TRA2B: variants seen among roughly 807,000 people sequenced by gnomAD.
The protein encoded by TRA2B is transformer 2 beta homolog.
TRA2B carries 14 observed loss-of-function variants against 41.7 expected under a neutral mutation model. The ratio of observed to expected loss-of-function variants is 0.34; its 90% confidence interval spans 0.22 to 0.53. The LOEUF (loss-of-function observed/expected upper bound fraction) is 0.53. TRA2B is among the 20% of genes least tolerant of loss of function. The pLI, the probability that TRA2B is intolerant of heterozygous loss-of-function variation, is 0.95. For missense variants in TRA2B, 167 were observed against 396.8 expected, an observed-to-expected ratio of 0.42 and a Z score of 4.92; for synonymous variants, 130 against 128.8, an observed-to-expected ratio of 1.01 and a Z score of -0.06.
chr3:185,925,423 T>C (rs757372192), intron 3 of TRA2B, 41 bp downstream of exon 3: 1 of 1,598,940 alleles, frequency 6.3e-7, no homozygotes, highest in South Asian at 1.1e-5. Context: ...AAAAAGTAAA[T>C]TTAGGCAGTT....
chr3:185,922,028 G>A lies in TRA2B; in HGVS notation c.621C>T (p.Tyr207=), dbSNP rs1426666421. Residue 207 remains tyrosine (Y), a synonymous_variant, in exon 5 of 9, where the codon TAC becomes TAT. Coordinates refer to ENST00000453386, the MANE Select transcript of TRA2B (RefSeq NM_004593.3). ...KRPHTPTPGI[Y]MGRPTYGSSR... ...AAACTTACTAGGTAGGTCTCCCCAT[G>A]TAAATTCCTGGTGTTGGCGTATGTG... 2 of 1,612,492 alleles carry A rather than the reference G, an allele frequency of 1.2e-6. No individual in the cohort carries two copies. Among genetic ancestry groups the A allele is most frequent in the African/African-American group, 1.3e-5 (1 of 74,854 alleles).
At chr3:185,934,794 G>A (rs1744284850) in intron 1 of TRA2B, 3 of 985,312 alleles carry the variant, frequency 3.0e-6, no homozygotes, top group East Asian at 1.1e-4. Context: ...AGTTTGATGG[G>A]TTGGTGTCCA....
chr3:185,918,226 C>T, intron 8 of TRA2B, 139 bp downstream of exon 8: 1 of 609,130 alleles, frequency 1.6e-6, no homozygotes, highest in Non-Finnish European at 2.7e-6. Context: ...TTTCTTGAAC[C>T]AAAAAATGTT....
At chr3:185,919,376 C>T in intron 7 of TRA2B, 61 bp downstream of exon 7, 1 of 1,411,662 alleles carries the variant, frequency 7.1e-7, no homozygotes, top group Non-Finnish European at 9.7e-7. Context: ...CATTACTAGG[C>T]AAACATCTTT....
chr3:185,937,403 C>T, intron 1 of TRA2B: 21 of 1,008,016 alleles, frequency 2.1e-5, no homozygotes, highest in South Asian at 8.3e-5. Context: ...GTCGGGTCCG[C>T]GTTGCCGCGC....
chr3:185,919,671 A>G (rs375742392), intron 6 of TRA2B, among the ~76,000 whole-genome samples, 175 bp from the exon 7 acceptor site: 4 of 152,348 alleles, frequency 2.6e-5, no homozygotes, highest in African/African-American at 4.8e-5. Context: ...GGTGGCTGAA[A>G]TAAGTAGTAT....
At chr3:185,935,812 C>A (rs1375536553) in intron 1 of TRA2B, 1 of 985,166 alleles carries the variant, frequency 1.0e-6, no homozygotes, top group East Asian at 1.1e-4. Context: ...AACACAAACA[C>A]GCAAACACCA....
chr3:185,925,822 A>G (rs934889300), intron 2 of TRA2B, among the ~76,000 whole-genome samples, 196 bp from the exon 3 acceptor site: 1 of 152,224 alleles, frequency 6.6e-6, no homozygotes, highest in Non-Finnish European at 1.5e-5. Context: ...TCTAAAAACC[A>G]CAAGCTCTCC....
chr3:185,917,771 T>C, intron 8 of TRA2B, 46 bp from the exon 9 acceptor site: 1 of 1,588,068 alleles, frequency 6.3e-7, no homozygotes, highest in South Asian at 1.1e-5. Flanking sequence ...GTGAACTAAT[T>C]ATCAAGTATA....
intron 1 of TRA2B, chr3:185,936,537 C>T: frequency 1.0e-6 from 1 of 985,420 alleles, no homozygotes. Flanking sequence ...CTGAAAATTT[C>T]TTCCTAAAAT....
rs1323563698 is a variant in TRA2B, at chr3:185,914,725, ACT to A, written c.*2988_*2989del. On this transcript the variant is annotated 3_prime_UTR_variant, in exon 9 of 9. Transcript: ENST00000453386. ...ATCCTACAAGAGCCAATCAAAATCC[ACT>A]GAGATGGCATGCTGAAGGAATATTG... 6.6e-6 allele frequency among the ~76,000 whole-genome samples: 1 copy of A among 152,080 alleles called. No individual in the cohort carries two copies. The highest frequency in any genetic ancestry group is 1.5e-5 in the Non-Finnish European group (1 of 68,040).
At chr3:185,934,878 A>G (rs895384656) in intron 1 of TRA2B, 2 of 985,322 alleles carry the variant, frequency 2.0e-6, no homozygotes, top group African/African-American at 3.5e-5. Flanking sequence ...CAAAAATAAT[A>G]GCCAGTATTC....
At chr3:185,929,360 T>G (rs1038900836) in intron 1 of TRA2B, among the ~76,000 whole-genome samples, 1 of 152,136 alleles carries the variant, frequency 6.6e-6, no homozygotes, top group Non-Finnish European at 1.5e-5. Context: ...AAAAACCAGT[T>G]GGGGAAGTCC....
intron 3 of TRA2B, 63 bp downstream of exon 3, chr3:185,925,401 T>A: frequency 1.3e-6 from 2 of 1,574,918 alleles, no homozygotes; most frequent in Non-Finnish European, 1.7e-6. Flanking sequence ...CAAAATCAGC[T>A]CTAACTTTAA....
chr3:185,934,338 G>T (rs929252737), intron 1 of TRA2B: 1 of 985,130 alleles, frequency 1.0e-6, no homozygotes, highest in African/African-American at 1.7e-5. Context: ...AGAGAAAGGA[G>T]GAAAAAACGC....
chr3:185,921,132 C>T lies in TRA2B; in HGVS notation c.694G>A (p.Asp232Asn). 1 of 1,614,136 alleles carries T rather than the reference C, an allele frequency of 6.2e-7. No individual in the cohort carries two copies. The highest frequency in any genetic ancestry group is 8.5e-7 in the Non-Finnish European group (1 of 1,180,020). The change falls in exon 6 of 9, where the codon GAT becomes AAT. Residue 232 changes from aspartate (D) to asparagine (N), a missense_variant. Around this residue, in one of 5 missense-constraint regions of TRA2B, gnomAD observed 23 missense variants for 39.7 expected, o/e 0.58. Coordinates refer to ENST00000453386, the MANE Select transcript of TRA2B (RefSeq NM_004593.3). ...YDRGYDRGYD[D>N]RDYYSRSYRG... Reference sequence around the variant, plus strand: ...TATGATCTGCTATAGTAGTCCCGATCATCATAGCCCCGATCATATCCTCTG... The same window carrying T: ...TATGATCTGCTATAGTAGTCCCGATTATCATAGCCCCGATCATATCCTCTG...
intron 2 of TRA2B, 34 bp from the exon 3 acceptor site, chr3:185,925,660 A>T (rs971539491): frequency 3.8e-6 from 6 of 1,586,310 alleles, no homozygotes; most frequent in Admixed American, 1.9e-5. Context: ...GTTATGACTG[A>T]AAACAAATAT....
chr3:185,935,833 T>C (rs1744329725), intron 1 of TRA2B: 2 of 985,078 alleles, frequency 2.0e-6, no homozygotes, highest in Non-Finnish European at 2.4e-6. Context: ...AACACAACAA[T>C]ATGGAAGTAT....
chr3:185,925,041 A>G (rs144417373), intron 3 of TRA2B: 1 of 153,590 alleles, frequency 6.5e-6, no homozygotes, highest in African/African-American at 2.4e-5. Flanking sequence ...GAAGCCTTTC[A>G]TGAAATGTAA....
Sources: gnomAD v4.1 joint callset for allele counts (sites outside exome capture counted in the v4.1 genomes callset) on GRCh38, gnomAD v4.1.1 for gene constraint, gnomAD v4.1.1 regional missense constraint, MANE v1.5 for transcripts, NCBI Gene and HGNC (gene_info 2026-07-23, HGNC 2026-07-21) for gene names.